Variants in FAM184B observed in about 807,000 individuals in gnomAD.
The protein encoded by FAM184B is protein FAM184B.
FAM184B carries 111 observed loss-of-function variants against 135.9 expected under a neutral mutation model. The observed-to-expected ratio is 0.82, with a 90% CI of 0.70 to 0.96. The LOEUF (loss-of-function observed/expected upper bound fraction) is 0.96. Ranked by LOEUF, FAM184B falls within the 40% of genes least tolerant of loss-of-function variation. The pLI is 0.00. For synonymous variants in FAM184B, 552 were observed against 524.8 expected, an observed-to-expected ratio of 1.05 and a Z score of -0.71; for missense variants, 1,375 against 1,323.9, an observed-to-expected ratio of 1.04 and a Z score of -0.60.
In FAM184B at chr4:17,693,376, A is replaced by G; in HGVS notation, c.1414T>C (p.Ser472Pro). 6.4e-7 allele frequency: 1 copy of G among 1,551,520 alleles called. No homozygotes were observed. Among genetic ancestry groups the G allele is most frequent in the Middle Eastern group, 1.7e-4 (1 of 5,992 alleles). The change falls in exon 6 of 18, where the codon TCA becomes CCA. Residue 472 changes from serine to proline, a missense_variant. Transcript: ENST00000265018. ...TCCAGCTGCTTTATCTCCTTTTCTG[A>G]TTTCTTCCTCACTTCCTCCAACTGT... ...EAQLEEVRKK[S>P]EKEIKQLEEE...
chr4:17,755,782 G>T (rs535564909), intron 1 of FAM184B, among the ~76,000 whole-genome samples: 5 of 152,140 alleles, frequency 3.3e-5, no homozygotes, highest in Admixed American at 6.5e-5. Flanking sequence ...GCTGGAAGCC[G>T]TTATCCTCAG....
At chr4:17,668,893 G>T (rs1716112125) in intron 7 of FAM184B, among the ~76,000 whole-genome samples, 1 of 152,174 alleles carries the variant, frequency 6.6e-6, no homozygotes, top group Non-Finnish European at 1.5e-5. Context: ...GCCAGGCATT[G>T]TTCTAGGAAC....
intron 10 of FAM184B, among the ~76,000 whole-genome samples, chr4:17,654,468 C>A (rs1474448934): frequency 6.6e-6 from 1 of 152,192 alleles, no homozygotes; most frequent in Non-Finnish European, 1.5e-5. Flanking sequence ...CAGGCATGAG[C>A]CACCACGCCC....
intron 7 of FAM184B, among the ~76,000 whole-genome samples, chr4:17,665,892 C>T (rs906693511): frequency 2.4e-5 from 3 of 125,896 alleles, no homozygotes; most frequent in Non-Finnish European, 5.6e-5. Flanking sequence ...GCTTTCTCCT[C>T]CCCCCGCCCC....
rs1335476057 is a variant in FAM184B at position 17,639,169 on chromosome 4, C to T, written c.2666+81G>A. Reference sequence around the variant, plus strand: ...CTTTCAATTTGAAAACCAGGAAATCCCAGGGTCATTGGGGTGAGTTGGCCA... The same window carrying T: ...CTTTCAATTTGAAAACCAGGAAATCTCAGGGTCATTGGGGTGAGTTGGCCA... On this transcript the variant is annotated intron_variant, in intron 14 of 17. Coordinates refer to ENST00000265018, the MANE Select transcript of FAM184B (RefSeq NM_015688.2). 4 of 1,384,292 alleles carry T rather than the reference C, an allele frequency of 2.9e-6. No homozygotes were observed. The African/African-American group carries it at 4.3e-5, about 15-fold the overall frequency. 85.8% of individuals were successfully genotyped at this position (1,384,292 alleles called of 1,614,324 possible).
chr4:17,707,083 T>C (rs1717137674), intron 3 of FAM184B, among the ~76,000 whole-genome samples: 1 of 152,084 alleles, frequency 6.6e-6, no homozygotes, highest in Non-Finnish European at 1.5e-5. Flanking sequence ...CCACCATGCC[T>C]GGCCTGTATT....
rs143367719 is a variant in FAM184B, at chr4:17,763,940, AC to A, written c.141+17218del. Among the ~76,000 whole-genome samples, 154 of 152,268 alleles carry A rather than the reference AC, an allele frequency of 1.0e-3. 1 individual carries two copies. Among genetic ancestry groups the A allele is most frequent in the African/African-American group, 3.6e-3 (151 of 41,552 alleles). ...GATCTAGCTTGGCCTTACTAAAAAT[AC>A]CATCTAGACAAACGTTGTCTTCAAA... On this transcript the variant is annotated intron_variant, in intron 1 of 17. Transcript: ENST00000265018.
intron 1 of FAM184B, among the ~76,000 whole-genome samples, chr4:17,741,436 G>A (rs966560850): frequency 2.0e-5 from 3 of 152,218 alleles, no homozygotes; most frequent in Non-Finnish European, 2.9e-5. Context: ...GCTCACGCCT[G>A]TAATCTCAGC....
intron 1 of FAM184B, among the ~76,000 whole-genome samples, chr4:17,729,824 G>A (rs559606175): frequency 5.6e-4 from 86 of 152,310 alleles, no homozygotes; most frequent in African/African-American, 1.9e-3. Context: ...AAAAAACAGA[G>A]CAGAAAAACT....
intron 1 of FAM184B, among the ~76,000 whole-genome samples, chr4:17,729,157 A>G (rs1190529599): frequency 1.3e-5 from 2 of 152,216 alleles, no homozygotes; most frequent in Non-Finnish European, 2.9e-5. Flanking sequence ...TTGCTAGCAC[A>G]GCAGTCTGAG....
rs115812137 is a variant in FAM184B, at chr4:17,691,151, G to T, written c.1488+2151C>A. On this transcript the variant is annotated intron_variant, in intron 6 of 17. Transcript: ENST00000265018. ...GGCAGTATTAGCTTAGCGGTTAAGG[G>T]TGGGGTCATTAGAGCCACATTACCT... Among the ~76,000 whole-genome samples the T allele has an allele frequency of 5.6e-3, 860 of 152,220 alleles. 7 individuals are homozygous for T. The highest frequency in any genetic ancestry group is 0.02 in the African/African-American group (830 of 41,520).
At chr4:17,674,647 A>T (rs887213277) in intron 7 of FAM184B, among the ~76,000 whole-genome samples, 6 of 152,334 alleles carry the variant, frequency 3.9e-5, no homozygotes, top group Admixed American at 2.0e-4. Flanking sequence ...CTCACAGTAG[A>T]ACGTCTTTAA....
chr4:17,731,678 C>T (rs1020654376), intron 1 of FAM184B, among the ~76,000 whole-genome samples: 2 of 152,206 alleles, frequency 1.3e-5, no homozygotes, highest in African/African-American at 4.8e-5. Context: ...ATTCACAAAG[C>T]AAGTCCTTAG....
At chr4:17,712,697 C>T (rs750359872) in intron 1 of FAM184B, among the ~76,000 whole-genome samples, 4 of 151,944 alleles carry the variant, frequency 2.6e-5, no homozygotes, top group Non-Finnish European at 5.9e-5. Context: ...CCCTATCAAC[C>T]ATGGAAGAGC....
intron 1 of FAM184B, among the ~76,000 whole-genome samples, chr4:17,728,439 G>C (rs1265909973): frequency 6.6e-6 from 1 of 152,160 alleles, no homozygotes; most frequent in Non-Finnish European, 1.5e-5. Flanking sequence ...ATTTTGGATA[G>C]TGCTGGACCA....
At chr4:17,702,048 G>GT (rs1181546763) in intron 5 of FAM184B, among the ~76,000 whole-genome samples, 1 of 152,204 alleles carries the variant, frequency 6.6e-6, no homozygotes, top group Non-Finnish European at 1.5e-5. Flanking sequence ...CCCAGTGTGG[G>GT]TGGTGTTGGC....
intron 12 of FAM184B, among the ~76,000 whole-genome samples, chr4:17,647,252 C>CTT (rs3066609): frequency 4.7e-5 from 6 of 128,958 alleles, no homozygotes; most frequent in Non-Finnish European, 9.7e-5. Flanking sequence ...GAGCCCATCC[C>CTT]TTTTTTTTTT....
At chr4:17,764,368 C>G (rs1281512246) in intron 1 of FAM184B, among the ~76,000 whole-genome samples, 1 of 152,186 alleles carries the variant, frequency 6.6e-6, no homozygotes, top group East Asian at 1.9e-4. Context: ...CAAATTGCAC[C>G]TCTAATCTGG....
At chr4:17,638,666 G>C (rs892412768) in intron 14 of FAM184B, among the ~76,000 whole-genome samples, 1 of 152,166 alleles carries the variant, frequency 6.6e-6, no homozygotes, top group Non-Finnish European at 1.5e-5. Flanking sequence ...ATGTTTGCAT[G>C]AGGGACCAGT....
Sources: gnomAD v4.1 joint callset for allele counts (sites outside exome capture counted in the v4.1 genomes callset) on GRCh38, gnomAD v4.1.1 for gene constraint, MANE v1.5 for transcripts, NCBI Gene and HGNC (gene_info 2026-07-23, HGNC 2026-07-21) for gene names.